Variants in OTUD7A observed in about 807,000 individuals in gnomAD.
OTUD7A encodes OTU domain-containing protein 7A.
OTUD7A carries 12 observed loss-of-function variants against 65.7 expected under a neutral mutation model. That is an observed-to-expected ratio of 0.18 (90% CI 0.12 to 0.30). The LOEUF (loss-of-function observed/expected upper bound fraction) is 0.30. OTUD7A is among the 10% of genes least tolerant of loss of function. The probability of loss-of-function intolerance (pLI) is 1.00; values close to 1 mark genes in which losing one functional copy is unlikely to be tolerated. For synonymous variants in OTUD7A, 641 were observed against 586.3 expected (o/e 1.09, Z -1.35); for missense variants, 1,148 against 1,304.8 (o/e 0.88, Z 1.85).
chr15:31,528,995 G>A (rs537466383), intron 6 of OTUD7A, among the ~76,000 whole-genome samples: 137 of 152,352 alleles, frequency 9.0e-4, no homozygotes, highest in African/African-American at 3.2e-3. Context: ...CTCTCTTGCA[G>A]ATGGAAATGA....
At chr15:31,635,970 T>A (rs1891328411) in intron 3 of OTUD7A, among the ~76,000 whole-genome samples, 1 of 152,382 alleles carries the variant, frequency 6.6e-6, no homozygotes, top group Non-Finnish European at 1.5e-5. Context: ...AGGAAAATGA[T>A]ACACCTTATC....
chr15:31,647,405 C>T (rs949442282), intron 3 of OTUD7A, among the ~76,000 whole-genome samples: 1 of 152,234 alleles, frequency 6.6e-6, no homozygotes, highest in Non-Finnish European at 1.5e-5. Flanking sequence ...AAATAAGGCA[C>T]AACCAAACAC....
intron 1 of OTUD7A, among the ~76,000 whole-genome samples, chr15:31,808,025 A>G (rs2140956831): frequency 6.6e-6 from 1 of 151,926 alleles, no homozygotes; most frequent in South Asian, 2.1e-4. Flanking sequence ...GCACTTTTAC[A>G]TAGAGGAGGG....
Position 31,648,733 on chromosome 15 carries a change from C to G in OTUD7A, c.151+6363G>C, listed in dbSNP as rs184208004. ...CTCCGTGTATTGATTTATATCTTTGCCTGTAACTTCTGCCCCCTGCCTTTA... is the reference window on the plus strand; with the variant it reads ...CTCCGTGTATTGATTTATATCTTTGGCTGTAACTTCTGCCCCCTGCCTTTA... On this transcript the variant is annotated intron_variant, in intron 3 of 12. Transcript: ENST00000307050. 6.4e-3 allele frequency among the ~76,000 whole-genome samples: 969 copies of G among 152,254 alleles called. 9 individuals carry two copies. The highest frequency in any genetic ancestry group is 0.022 in the African/African-American group (900 of 41,548).
intron 1 of OTUD7A, among the ~76,000 whole-genome samples, chr15:31,775,945 T>A (rs1895367204): frequency 6.6e-6 from 1 of 152,120 alleles, no homozygotes; most frequent in Non-Finnish European, 1.5e-5. Flanking sequence ...GTCACCAAAT[T>A]AATATCTGAG....
At chr15:31,589,922 A>C (rs1889667518) in intron 3 of OTUD7A, among the ~76,000 whole-genome samples, 1 of 152,224 alleles carries the variant, frequency 6.6e-6, no homozygotes, top group Admixed American at 6.5e-5. Context: ...TATTCTTATG[A>C]TAAAAGGATA....
chr15:31,748,519 TTGAG>T (rs1894541681), intron 1 of OTUD7A, among the ~76,000 whole-genome samples: 1 of 151,954 alleles, frequency 6.6e-6, no homozygotes, highest in Admixed American at 6.6e-5. Flanking sequence ...ATTGGTTGAT[TTGAG>T]TAAAATATAT....
At chr15:31,776,776 T>C (rs1895393188) in intron 1 of OTUD7A, among the ~76,000 whole-genome samples, 1 of 152,128 alleles carries the variant, frequency 6.6e-6, no homozygotes, top group Non-Finnish European at 1.5e-5. Context: ...TTCATGTTAG[T>C]TTGTCCCTGA....
At chr15:31,579,109 T>C (rs1215646644) in intron 3 of OTUD7A, among the ~76,000 whole-genome samples, 1 of 152,094 alleles carries the variant, frequency 6.6e-6, no homozygotes, top group Non-Finnish European at 1.5e-5. Context: ...TTTGGGAAAA[T>C]GTTTGCAACT....
chr15:31,787,646 C>G, intron 1 of OTUD7A: 1 of 152,182 alleles, frequency 6.6e-6, no homozygotes, highest in East Asian at 1.9e-4. Flanking sequence ...GTGGAAAGTT[C>G]TTTTGACTTA....
intron 1 of OTUD7A, among the ~76,000 whole-genome samples, chr15:31,729,435 A>C (rs1001303239): frequency 1.3e-5 from 2 of 152,222 alleles, no homozygotes; most frequent in Non-Finnish European, 2.9e-5. Context: ...TATGGCAGGC[A>C]ATGGGTTATG....
chr15:31,762,503 G>A (rs1006535876), intron 1 of OTUD7A, among the ~76,000 whole-genome samples: 1 of 152,238 alleles, frequency 6.6e-6, no homozygotes, highest in Non-Finnish European at 1.5e-5. Flanking sequence ...TGTAAAGGGA[G>A]GTGTGATCTT....
chr15:31,730,297 C>T (rs974657243), intron 1 of OTUD7A, among the ~76,000 whole-genome samples: 3 of 152,188 alleles, frequency 2.0e-5, no homozygotes, highest in South Asian at 4.1e-4. Context: ...TAGCAGCCCA[C>T]GGTGCCTGAG....
In OTUD7A at chr15:31,478,346, A is replaced by ATG. The variant is rs2041056840; in HGVS notation, c.*4946_*4947dup. 7.2e-6 allele frequency: 1 copy of ATG among 139,732 alleles called. No homozygotes were observed. The allele number at this position is 139,732 out of a possible 1,614,324, so 8.7% of individuals were successfully genotyped here. A position where few individuals can be genotyped will look rare whatever the true frequency, so the allele number is the denominator to read the frequency against. On this transcript the variant is annotated 3_prime_UTR_variant, in exon 13 of 13. Coordinates refer to ENST00000307050, the MANE Select transcript of OTUD7A (RefSeq NM_001382637.1). ...TCGCCTTATGTTAAACTAACAAATT[A>ATG]TGTATATATATATCCTTGATATGCT...
chr15:31,612,546 T>C (rs1244146322), intron 3 of OTUD7A, among the ~76,000 whole-genome samples: 2 of 151,972 alleles, frequency 1.3e-5, no homozygotes, highest in African/African-American at 4.8e-5. Flanking sequence ...CCTTTTACAA[T>C]AGCTGCAAAA....
At chr15:31,526,546 T>A in intron 7 of OTUD7A, 85 bp from the exon 8 acceptor site, 1 of 1,134,908 alleles carries the variant, frequency 8.8e-7, no homozygotes, top group Non-Finnish European at 1.2e-6. Context: ...TGGACCAGCC[T>A]CACCGGGACC....
At chr15:31,793,126 T>C (rs146033846) in intron 1 of OTUD7A, among the ~76,000 whole-genome samples, 10 of 152,180 alleles carry the variant, frequency 6.6e-5, no homozygotes, top group Non-Finnish European at 1.3e-4. Flanking sequence ...GCCTCCAGCT[T>C]CCCAACCCCC....
chr15:31,668,938 C>T (rs1892404160), intron 1 of OTUD7A, among the ~76,000 whole-genome samples: 1 of 152,204 alleles, frequency 6.6e-6, no homozygotes, highest in Non-Finnish European at 1.5e-5. Flanking sequence ...TCTAGCCACC[C>T]AGCAAGTCTA....
At chr15:31,832,905 T>C (rs958075199) in intron 1 of OTUD7A, among the ~76,000 whole-genome samples, 2 of 152,224 alleles carry the variant, frequency 1.3e-5, no homozygotes, top group African/African-American at 4.8e-5. Flanking sequence ...AACACGGATG[T>C]ACAGATTTCT....
Sources: allele counts gnomAD v4.1 joint callset (sites outside exome capture counted in the v4.1 genomes callset), GRCh38; gene constraint gnomAD v4.1.1; transcripts MANE v1.5; gene names NCBI Gene and HGNC (gene_info 2026-07-23, HGNC 2026-07-21).